The following GPC6 variants were observed in gnomAD, a reference collection of about 807,000 sequenced individuals.
GPC6 encodes the protein glypican 6.
In GPC6, 14 loss-of-function variants were observed where a neutral mutation model predicts 55.2. The ratio of observed to expected loss-of-function variants is 0.25; its 90% CI spans 0.17 to 0.40. The LOEUF (loss-of-function observed/expected upper bound fraction) is 0.40, where lower values mean the gene tolerates loss of function less well. Ranked by LOEUF, GPC6 falls within the 10% of genes least tolerant of loss-of-function variation. The probability of loss-of-function intolerance (pLI) is 1.00; values close to 1 mark genes in which losing one functional copy is unlikely to be tolerated. For synonymous variants in GPC6, 278 were observed against 259.6 expected (o/e 1.07, Z -0.68); for missense variants, 641 against 708.5 (o/e 0.90, Z 1.08).
intron 1 of GPC6, among the ~76,000 whole-genome samples, chr13:93,331,448 A>G (rs1487578396): frequency 6.6e-6 from 1 of 152,202 alleles, no homozygotes; most frequent in Non-Finnish European, 1.5e-5. Context: ...TGATTCATCA[A>G]CTTGAGAAAG....
intron 1 of GPC6, among the ~76,000 whole-genome samples, chr13:93,471,315 C>T (rs1169125678): frequency 6.8e-6 from 1 of 148,134 alleles, no homozygotes; most frequent in African/African-American, 2.5e-5. Context: ...GAGATCAAGA[C>T]CATCCTGGCT....
At chr13:93,648,823 T>C (rs2139596064) in intron 2 of GPC6, among the ~76,000 whole-genome samples, 1 of 152,288 alleles carries the variant, frequency 6.6e-6, no homozygotes, top group African/African-American at 2.4e-5. Flanking sequence ...TGTAGTGACA[T>C]CACCCATGTC....
At chr13:94,265,588 A>G (rs749313932) in intron 4 of GPC6, among the ~76,000 whole-genome samples, 1 of 152,332 alleles carries the variant, frequency 6.6e-6, no homozygotes, top group East Asian at 1.9e-4. Flanking sequence ...GCATCCTTCA[A>G]CCCAATCAAA....
rs1353070969 is a variant in GPC6, at chr13:94,405,426, C to A, written c.*2209C>A. The A allele has an allele frequency of 6.6e-6, 1 of 152,162 alleles. No individual in the cohort carries two copies. The highest frequency in any genetic ancestry group is 1.5e-5 in the Non-Finnish European group (1 of 68,022). The allele number at this position is 152,162 out of a possible 1,614,324, so 9.4% of individuals were successfully genotyped here. ...TTGTCTTTCTCCAATAATTAAGGTG[C>A]AATACAAATTAAATCAACCTTGATT... On this transcript the variant is annotated 3_prime_UTR_variant, in exon 9 of 9. Transcript: ENST00000377047.
At chr13:93,510,103 C>A (rs1880891952) in intron 1 of GPC6, among the ~76,000 whole-genome samples, 2 of 151,926 alleles carry the variant, frequency 1.3e-5, no homozygotes, top group Non-Finnish European at 2.9e-5. Flanking sequence ...TATTTTATGC[C>A]CTCAAACCAA....
the GPC6 span, among the ~76,000 whole-genome samples, chr13:93,219,169 C>T: frequency 6.6e-6 from 1 of 151,380 alleles, no homozygotes; most frequent in Non-Finnish European, 1.5e-5. Flanking sequence ...TCTCAGCTCA[C>T]TGCAACCTCT....
chr13:93,623,732 A>G (rs1241206723), intron 2 of GPC6, among the ~76,000 whole-genome samples: 1 of 152,080 alleles, frequency 6.6e-6, no homozygotes, highest in Non-Finnish European at 1.5e-5. Context: ...TGCTGGGATT[A>G]CAGGCTTGGG....
In GPC6 at chr13:93,386,779, G is replaced by T. The variant is rs187391970; in HGVS notation, c.161-158484G>T. Reference sequence around the variant, plus strand: ...ACCAGAAATCAGAAATCAAGGTGTGGGCAGGACTGAGTTCCCTCCAGAGGC... The same window carrying T: ...ACCAGAAATCAGAAATCAAGGTGTGTGCAGGACTGAGTTCCCTCCAGAGGC... On this transcript the variant is annotated intron_variant, in intron 1 of 8. Transcript: ENST00000377047. 5.3e-5 allele frequency among the ~76,000 whole-genome samples: 8 copies of T among 152,186 alleles called. No homozygotes were observed. The East Asian group carries it at 1.5e-3, about 29-fold the overall frequency.
intron 4 of GPC6, among the ~76,000 whole-genome samples, chr13:94,063,457 A>G (rs1225989628): frequency 6.6e-6 from 1 of 152,236 alleles, no homozygotes; most frequent in Non-Finnish European, 1.5e-5. Context: ...GAGACTGCTA[A>G]CATAGGAATT....
chr13:94,334,379 A>C (rs1877576660), intron 6 of GPC6, among the ~76,000 whole-genome samples: 1 of 152,238 alleles, frequency 6.6e-6, no homozygotes, highest in South Asian at 2.1e-4. Flanking sequence ...ACAGCAGAAA[A>C]TACCAGTGCC....
intron 4 of GPC6, among the ~76,000 whole-genome samples, chr13:94,238,392 G>C (rs960601556): frequency 1.3e-5 from 2 of 152,108 alleles, no homozygotes; most frequent in Admixed American, 1.3e-4. Flanking sequence ...AATTTGCTTA[G>C]AAGCTGGAGA....
intron 2 of GPC6, among the ~76,000 whole-genome samples, chr13:93,653,556 A>T (rs1880514556): frequency 1.3e-5 from 2 of 150,620 alleles, no homozygotes; most frequent in Non-Finnish European, 2.9e-5. Context: ...GTCGTCAATA[A>T]TCCTATGAAG....
intron 1 of GPC6, among the ~76,000 whole-genome samples, chr13:93,276,160 C>T (rs1182974148): frequency 6.6e-6 from 1 of 152,138 alleles, no homozygotes; most frequent in Non-Finnish European, 1.5e-5. Flanking sequence ...AGGCGTGAGC[C>T]ACCGCGCCCA....
At chr13:93,969,337 A>G (rs1880184598) in intron 3 of GPC6, among the ~76,000 whole-genome samples, 1 of 152,210 alleles carries the variant, frequency 6.6e-6, no homozygotes, top group Admixed American at 6.5e-5. Context: ...CCACTAGAAG[A>G]GACCCTCACT....
intron 1 of GPC6, among the ~76,000 whole-genome samples, chr13:93,273,027 C>T (rs571698848): frequency 6.6e-6 from 1 of 152,276 alleles, no homozygotes; most frequent in East Asian, 1.9e-4. Flanking sequence ...GTTTTTTACC[C>T]TTCTCAACAA....
At chr13:93,246,714 C>T (rs1176594091) in intron 1 of GPC6, among the ~76,000 whole-genome samples, 1 of 145,056 alleles carries the variant, frequency 6.9e-6, no homozygotes, top group East Asian at 2.1e-4. Flanking sequence ...AGGAGGTGAA[C>T]CCCAGAGGCG....
At chr13:93,626,442 T>G (rs1460604714) in intron 2 of GPC6, among the ~76,000 whole-genome samples, 7 of 152,254 alleles carry the variant, frequency 4.6e-5, no homozygotes, top group African/African-American at 1.4e-4. Flanking sequence ...CATCTATTCC[T>G]TGAGATGTTA....
chr13:94,004,554 A>T (rs1336610379), intron 3 of GPC6, among the ~76,000 whole-genome samples: 1 of 152,202 alleles, frequency 6.6e-6, no homozygotes, highest in Non-Finnish European at 1.5e-5. Context: ...AAACCTTATA[A>T]TGAAATGACT....
At chr13:93,658,811 A>G (rs1594349029) in intron 2 of GPC6, among the ~76,000 whole-genome samples, 1 of 151,816 alleles carries the variant, frequency 6.6e-6, no homozygotes, top group African/African-American at 2.4e-5. Context: ...ATCTGTGTTC[A>G]TGAAGGATGT....
Sources: gnomAD v4.1 joint callset for allele counts (sites outside exome capture counted in the v4.1 genomes callset) on GRCh38, gnomAD v4.1.1 for gene constraint, MANE v1.5 for transcripts, NCBI Gene and HGNC (gene_info 2026-07-23, HGNC 2026-07-21) for gene names.